CDH12: variants seen among roughly 807,000 people sequenced by gnomAD.
CDH12 encodes cadherin-12.
CDH12 carries 41 observed loss-of-function variants against 74.1 expected under a neutral mutation model. The observed-to-expected ratio is 0.55, with a 90% CI of 0.43 to 0.72. The LOEUF is 0.72. Among genes scored for constraint, CDH12 ranks in the 30% least tolerant of loss-of-function variants. CDH12 has a pLI of 0.00. For missense variants in CDH12, 945 were observed against 977.2 expected (o/e 0.97, Z 0.44); for synonymous variants, 399 against 355.0 (o/e 1.12, Z -1.39).
At chr5:22,797,263 C>T (rs1365780549) in intron 1 of CDH12, among the ~76,000 whole-genome samples, 1 of 151,326 alleles carries the variant, frequency 6.6e-6, no homozygotes, top group African/African-American at 2.4e-5. Context: ...AGAAGACAAC[C>T]ATCTATGAAC....
At chr5:22,003,527 C>G (rs1462738569) in intron 5 of CDH12, among the ~76,000 whole-genome samples, 1 of 152,274 alleles carries the variant, frequency 6.6e-6, no homozygotes, top group Middle Eastern at 3.4e-3. Context: ...ATGGAAATTA[C>G]GTTTTGAAAG....
intron 1 of CDH12, among the ~76,000 whole-genome samples, chr5:22,705,000 T>C (rs1742914570): frequency 6.6e-6 from 1 of 151,944 alleles, no homozygotes; most frequent in Non-Finnish European, 1.5e-5. Context: ...ATCATCTTTG[T>C]ATACTGCATG....
At chr5:22,218,727 A>C (rs1258906701) in intron 3 of CDH12, among the ~76,000 whole-genome samples, 1 of 151,734 alleles carries the variant, frequency 6.6e-6, no homozygotes, top group Non-Finnish European at 1.5e-5. Context: ...ACTGTATATA[A>C]ATTATACCTC....
At chr5:22,315,540 C>A (rs1287723986) in intron 3 of CDH12, among the ~76,000 whole-genome samples, 1 of 152,026 alleles carries the variant, frequency 6.6e-6, no homozygotes, top group Admixed American at 6.6e-5. Flanking sequence ...ATGAAAAGTC[C>A]TATGTGTGCT....
chr5:21,966,157 CGT>C (rs1491562491), intron 6 of CDH12, among the ~76,000 whole-genome samples: 374 of 128,276 alleles, frequency 2.9e-3, no homozygotes, highest in African/African-American at 0.011. Context: ...TCTATTTTTA[CGT>C]TTTTTTTTTT....
intron 3 of CDH12, among the ~76,000 whole-genome samples, chr5:22,375,987 A>T (rs1311711983): frequency 6.6e-6 from 1 of 152,250 alleles, no homozygotes; most frequent in Non-Finnish European, 1.5e-5. Flanking sequence ...TTAAATCTGT[A>T]TACCAAGGGG....
intron 1 of CDH12, among the ~76,000 whole-genome samples, chr5:22,830,876 T>C (rs1317758471): frequency 6.6e-6 from 1 of 151,672 alleles, no homozygotes; most frequent in South Asian, 2.1e-4. Context: ...TATATATGAT[T>C]AATATTAAAC....
chr5:22,264,728 A>G (rs1281377808), intron 3 of CDH12, among the ~76,000 whole-genome samples: 2 of 152,132 alleles, frequency 1.3e-5, no homozygotes, highest in Non-Finnish European at 2.9e-5. Flanking sequence ...ATTACAGCTA[A>G]TATATTGAAT....
At chr5:22,069,035 C>T (rs1262742926) in intron 5 of CDH12, among the ~76,000 whole-genome samples, 1 of 152,162 alleles carries the variant, frequency 6.6e-6, no homozygotes, top group Non-Finnish European at 1.5e-5. Flanking sequence ...GAAGGAGCAG[C>T]ATTTTGTTCT....
intron 1 of CDH12, among the ~76,000 whole-genome samples, chr5:22,586,928 C>A (rs11750219): frequency 0.061 from 8,883 of 145,906 alleles, 384 homozygotes; most frequent in East Asian, 0.23. Context: ...GTCACTGCAA[C>A]CTCCGCCTCC....
intron 3 of CDH12, among the ~76,000 whole-genome samples, chr5:22,394,210 C>A (rs898922801): frequency 6.6e-6 from 1 of 152,024 alleles, no homozygotes; most frequent in African/African-American, 2.4e-5. Context: ...TCATTATAAT[C>A]TGAGAATAGA....
intron 5 of CDH12, among the ~76,000 whole-genome samples, chr5:21,985,661 T>G (rs2150130882): frequency 6.6e-6 from 1 of 152,268 alleles, no homozygotes; most frequent in South Asian, 2.1e-4. Flanking sequence ...TGAAATAATT[T>G]TATTATGTAC....
chr5:22,510,146 C>T (rs923720399), intron 1 of CDH12, among the ~76,000 whole-genome samples: 1 of 151,944 alleles, frequency 6.6e-6, no homozygotes, highest in East Asian at 1.9e-4. Flanking sequence ...ACATTTAAAG[C>T]CTTCAGAGAA....
At chr5:22,495,980 C>G (rs544385471) in intron 2 of CDH12, among the ~76,000 whole-genome samples, 1 of 152,258 alleles carries the variant, frequency 6.6e-6, no homozygotes, top group Non-Finnish European at 1.5e-5. Flanking sequence ...ACTGTTCTAA[C>G]TTTCAGAAAT....
At chr5:22,113,026 G>A (rs78909057) in intron 4 of CDH12, among the ~76,000 whole-genome samples, 2,525 of 152,144 alleles carry the variant, frequency 0.017, 52 homozygotes, top group Non-Finnish European at 0.022. Context: ...ACTAAACTCC[G>A]ATATTTTTGT....
intron 6 of CDH12, among the ~76,000 whole-genome samples, chr5:21,876,054 C>T (rs1051727404): frequency 1.3e-5 from 2 of 151,998 alleles, no homozygotes; most frequent in African/African-American, 4.8e-5. Flanking sequence ...CGCCACCATG[C>T]CCAGCTAATT....
chr5:21,950,761 TTA>T (rs373612120), intron 6 of CDH12, among the ~76,000 whole-genome samples: 191 of 81,248 alleles, frequency 2.4e-3, no homozygotes, highest in Middle Eastern at 0.021. Context: ...TTTTATTTTA[TTA>T]TTATTATTAT....
intron 2 of CDH12, among the ~76,000 whole-genome samples, chr5:22,461,030 C>CTTT (rs34555692): frequency 0.01 from 653 of 63,540 alleles, 57 homozygotes; most frequent in African/African-American, 0.022. Context: ...CAATGTCTAG[C>CTTT]TTTTTTTTTT....
In CDH12 at chr5:22,022,289, C is replaced by G. The variant is rs189019370; in HGVS notation, c.232-46904G>C. On this transcript the variant is annotated intron_variant, in intron 5 of 14. Coordinates refer to ENST00000382254, the MANE Select transcript of CDH12 (RefSeq NM_004061.5). ...CATGGGGGTGGGTTTTCCCCATGTA[C>G]TTTTCATGATACTGACTCATGAGAT... Among the ~76,000 whole-genome samples, 405 of 152,182 alleles carry G rather than the reference C, an allele frequency of 2.7e-3. 1 individual carries two copies. Among genetic ancestry groups the G allele is most frequent in the Non-Finnish European group, 4.2e-3 (285 of 68,022 alleles).
Sources: gnomAD v4.1 joint callset for allele counts (sites outside exome capture counted in the v4.1 genomes callset) on GRCh38, gnomAD v4.1.1 for gene constraint, MANE v1.5 for transcripts, NCBI Gene and HGNC (gene_info 2026-07-23, HGNC 2026-07-21) for gene names.